FER1L5: variants seen among roughly 807,000 people sequenced by gnomAD.
The protein encoded by FER1L5 is fer-1 like family member 5.
Under a neutral mutation model 279.9 loss-of-function variants are expected in FER1L5, and 187 were observed. The ratio of observed to expected loss-of-function variants is 0.67; its 90% CI spans 0.59 to 0.75. FER1L5 has a LOEUF of 0.75. Among genes scored for constraint, FER1L5 ranks in the 30% least tolerant of loss-of-function variants. The pLI is 0.00. For missense variants in FER1L5, 2,091 were observed against 2,594.4 expected (o/e 0.81, Z 4.21); for synonymous variants, 921 against 989.7 (o/e 0.93, Z 1.30).
rs1363419500 is a variant in FER1L5, at chr2:96,700,058, A to G, written c.4908A>G (p.Lys1636=). ...AAGATGCTGTTTTCTATAATGGGAA[A>G]AAGTTCAAGCTGCAAAGCTTTGGTG... ...PEEDAVFYNG[K]KFKLQSFEPK... Residue 1636 remains lysine (K), a synonymous_variant, in exon 44 of 53, where the codon AAA becomes AAG. Transcript: ENST00000624922. 1.9e-6 allele frequency: 3 copies of G among 1,613,958 alleles called. No homozygotes were observed. Among genetic ancestry groups the G allele is most frequent in the African/African-American group, 1.3e-5 (1 of 75,076 alleles).
In FER1L5 at chr2:96,647,757, A is replaced by T. The variant is rs563000521; in HGVS notation, c.231-21A>T. Reference sequence around the variant, plus strand: ...TCTTTCCCCTGGCTCAGGATCTCACATCTGCTCCTTGTCTCCCCAGATTCA... The same window carrying T: ...TCTTTCCCCTGGCTCAGGATCTCACTTCTGCTCCTTGTCTCCCCAGATTCA... On this transcript the variant is annotated intron_variant, in intron 3 of 52. Coordinates refer to ENST00000624922, the MANE Select transcript of FER1L5 (RefSeq NM_001293083.2). The T allele has an allele frequency of 2.6e-6, 4 of 1,532,346 alleles. No homozygotes were observed. In the African/African-American group the frequency reaches 4.1e-5, roughly 16 times the overall value. 94.9% of individuals were successfully genotyped at this position (1,532,346 alleles called of 1,614,324 possible).
At chr2:96,652,355 C>G in intron 7 of FER1L5, 1 of 301,022 alleles carries the variant, frequency 3.3e-6, no homozygotes, top group East Asian at 6.2e-5. Context: ...GCTGGAGCCC[C>G]AAATTGTAGC....
rs1473806537 is a variant in FER1L5, at chr2:96,704,260, C to T, written c.5847C>T (p.Asn1949=). ...SFTWLRSPVQ[N]FCYIFWKRYR... Reference sequence around the variant, plus strand: ...CGTGGCTGCGGTCACCAGTTCAAAACTTCTGCTATATTTTCTGGAAACGCT... The same window carrying T: ...CGTGGCTGCGGTCACCAGTTCAAAATTTCTGCTATATTTTCTGGAAACGCT... The change falls in exon 52 of 53, where the codon AAC becomes AAT. Residue 1949 remains asparagine (N), a synonymous_variant. Coordinates refer to ENST00000624922, the MANE Select transcript of FER1L5 (RefSeq NM_001293083.2). 2.5e-6 allele frequency: 4 copies of T among 1,614,026 alleles called. No individual in the cohort carries two copies. The highest frequency in any genetic ancestry group is 3.4e-6 in the Non-Finnish European group (4 of 1,179,898).
At chr2:96,666,209 C>T (rs1280185242) in intron 14 of FER1L5, among the ~76,000 whole-genome samples, 11 of 148,334 alleles carry the variant, frequency 7.4e-5, no homozygotes, top group African/African-American at 2.5e-5. Flanking sequence ...ATGGTCAGTC[C>T]GAGGGCCCCA....
intron 23 of FER1L5, among the ~76,000 whole-genome samples, chr2:96,686,855 CAAA>C (rs58724485): frequency 2.2e-3 from 89 of 41,162 alleles, no homozygotes; most frequent in South Asian, 4.4e-3. Flanking sequence ...GACTCCGTCT[CAAA>C]AAAAAAAAAA....
chr2:96,702,056 C>T lies in FER1L5; in HGVS notation c.5159+13C>T. ...GAAAGCCTAAACGGTGAGTGACAGC[C>T]CACTTCCCAACTGCTGCATTTCACA... On this transcript the variant is annotated intron_variant, in intron 46 of 52. Transcript: ENST00000624922. This position sits in a 1 kb window ranked among gnomAD's most constrained non-coding sequence, Gnocchi z 4.0. The T allele has an allele frequency of 6.2e-7, 1 of 1,613,686 alleles. No homozygotes were observed. The highest frequency in any genetic ancestry group is 1.1e-5 in the South Asian group (1 of 91,056).
Position 96,662,254 on chromosome 2 carries a change from T to C in FER1L5, c.1058T>C (p.Leu353Pro). 6.4e-7 allele frequency: 1 copy of C among 1,551,528 alleles called. No homozygotes were observed. Among genetic ancestry groups the C allele is most frequent in the Middle Eastern group, 1.7e-4 (1 of 5,990 alleles). ...QSVNPQLEVE[L>P]IGEKLRTHMQ... ...GTGAATCCTCAGTTGGAGGTGGAAC[T>C]AATTGGGGAAAAGGTAAGTGTAGAA... The change falls in exon 13 of 53, where the codon CTA becomes CCA. Residue 353 changes from leucine to proline, a missense_variant. Coordinates refer to ENST00000624922, the MANE Select transcript of FER1L5 (RefSeq NM_001293083.2).
In FER1L5 at chr2:96,689,610, T is replaced by C; in HGVS notation, c.2526-34T>C. ...ACGGCCCTAGGGGCTGCTTGGGGAG[T>C]TGTGCTGGGAACTTGGGGTCTCATT... On this transcript the variant is annotated intron_variant, in intron 25 of 52. Transcript: ENST00000624922. This position sits in a 1 kb window ranked among gnomAD's most constrained non-coding sequence, Gnocchi z 4.6. The C allele has an allele frequency of 1.3e-6, 2 of 1,534,938 alleles. No homozygotes were observed. The highest frequency in any genetic ancestry group is 1.8e-6 in the Non-Finnish European group (2 of 1,133,966).
intron 38 of FER1L5, 36 bp downstream of exon 38, chr2:96,697,612 TG>T (rs747170232): frequency 6.2e-7 from 1 of 1,613,372 alleles, no homozygotes; most frequent in Non-Finnish European, 8.5e-7. Context: ...TGCAGGGAGG[TG>T]GGGGGCTGCC....
chr2:96,699,452 G>C (rs992725476), intron 42 of FER1L5, 98 bp from the exon 43 acceptor site: 79 of 1,357,070 alleles, frequency 5.8e-5, no homozygotes, highest in Non-Finnish European at 7.3e-5. Flanking sequence ...CAATCTCCAT[G>C]AACAAACAAG....
At chr2:96,659,316 T>G (rs2075748196) in intron 9 of FER1L5, among the ~76,000 whole-genome samples, 1 of 56,546 alleles carries the variant, frequency 1.8e-5, no homozygotes, top group African/African-American at 7.1e-5. Flanking sequence ...CTTCCTTCCT[T>G]CCTTCCTTCC....
rs562923413 is a variant in FER1L5, at chr2:96,702,369, T to C, written c.5223T>C (p.Ser1741=). ...TGGACCTGGTGGATGACAATTTAAG[T>C]AGAGAGAAGACGAGCGACATCTACA... The part of the protein sequence containing the change: ...ANVDLVDDNL[S]REKTSDIYIK... Residue 1741 remains serine, a synonymous_variant, in exon 47 of 53, where the codon AGT becomes AGC. Transcript: ENST00000624922. This position sits in a 1 kb window ranked among gnomAD's most constrained non-coding sequence, Gnocchi z 4.0. 6.2e-7 allele frequency: 1 copy of C among 1,612,962 alleles called. No homozygotes were observed. The highest frequency in any genetic ancestry group is 1.3e-5 in the African/African-American group (1 of 74,996).
rs373257482 is a variant in FER1L5 at position 96,681,843 on chromosome 2, G to A, written c.1670-2484G>A. Among the ~76,000 whole-genome samples, 12 of 151,966 alleles carry A rather than the reference G, an allele frequency of 7.9e-5. No homozygotes were observed. The East Asian group carries it at 9.6e-4, about 12-fold the overall frequency. ...CTCACTTTGTTGCCCAGGCTGGAGTGCAGTGGCGTTATCTCGGCTCACTGC... is the reference window on the plus strand; with the variant it reads ...CTCACTTTGTTGCCCAGGCTGGAGTACAGTGGCGTTATCTCGGCTCACTGC... On this transcript the variant is annotated intron_variant, in intron 19 of 52. Transcript: ENST00000624922.
At position 96,700,341 on chromosome 2, in the gene FER1L5, C is replaced by T. The variant is rs757619360; in HGVS notation, c.4940C>T (p.Thr1647Ile). The stretch of plus-strand genomic sequence containing the variant: ...TCCCCCTCCAATCCAGAGCCCAAAA[C>T]CCCTACTGTTCATGGTTTGGGACCC... ...KFKLQSFEPKTPTVHGLGPKK... is the reference protein window; with the variant it reads ...KFKLQSFEPKIPTVHGLGPKK... Residue 1647 changes from threonine (T) to isoleucine (I), a missense_variant, in exon 45 of 53, where the codon ACC becomes ATC. By Grantham distance (89) the Thr-to-Ile change is moderately conservative. Transcript: ENST00000624922. 2 of 1,613,288 alleles carry T rather than the reference C, an allele frequency of 1.2e-6. No homozygotes were observed. The highest frequency in any genetic ancestry group is 1.6e-4 in the Middle Eastern group (1 of 6,062).
intron 9 of FER1L5, among the ~76,000 whole-genome samples, chr2:96,657,065 T>TTA (rs148662359): frequency 0.28 from 40,862 of 145,680 alleles, 6,446 homozygotes; most frequent in South Asian, 0.65. Flanking sequence ...ATTTTTTAAT[T>TTA]TATATATATA....
chr2:96,687,872 G>A lies in FER1L5; in HGVS notation c.2286G>A (p.Met762Ile). ...DVLPAHLRVC[M>I]WLGNVTDSKD... Reference sequence around the variant, plus strand: ...TCCCAGCTCACCTCCGGGTCTGCATGTGGCTTGGCAATGTCACAGACAGCA... The same window carrying A: ...TCCCAGCTCACCTCCGGGTCTGCATATGGCTTGGCAATGTCACAGACAGCA... Residue 762 changes from methionine (M) to isoleucine (I), a missense_variant, in exon 24 of 53, where the codon ATG (methionine) becomes ATA (isoleucine). Met to Ile is a conservative substitution (Grantham distance 10). Transcript: ENST00000624922. 6.4e-7 allele frequency: 1 copy of A among 1,551,264 alleles called. No homozygotes were observed. Among genetic ancestry groups the A allele is most frequent in the Non-Finnish European group, 8.7e-7 (1 of 1,146,964 alleles).
chr2:96,673,365 T>C (rs1219624483), intron 19 of FER1L5, 111 bp downstream of exon 19: 10 of 1,171,590 alleles, frequency 8.5e-6, no homozygotes, highest in Non-Finnish European at 1.1e-5. Context: ...ATTATTTACC[T>C]ATATTTCACA....
At position 96,704,560 on chromosome 2, in the gene FER1L5, C is replaced by T. The variant is rs552412694; in HGVS notation, c.6042C>T (p.Asn2014=). ...FNIINSLNTS[N]ASSSILPTQD... is the part of the protein sequence containing the mutation. The stretch of plus-strand genomic sequence containing the variant: ...TCATCAATTCACTAAACACCAGCAA[C>T]GCCAGCTCTTCCATCCTTCCCACCC... Residue 2014 remains asparagine (N), a synonymous_variant, in exon 53 of 53, where the codon AAC becomes AAT. Coordinates refer to ENST00000624922, the MANE Select transcript of FER1L5 (RefSeq NM_001293083.2). The T allele has an allele frequency of 3.5e-5, 56 of 1,613,916 alleles. No individual in the cohort carries two copies. Among genetic ancestry groups the T allele is most frequent in the African/African-American group, 8.0e-5 (6 of 75,008 alleles).
At chr2:96,649,736 C>A in intron 5 of FER1L5, 59 bp downstream of exon 5, 1 of 1,513,888 alleles carries the variant, frequency 6.6e-7, no homozygotes, top group Middle Eastern at 1.8e-4. Flanking sequence ...GCATGCACAG[C>A]TGGATGGGTT....
Sources: allele counts gnomAD v4.1 joint callset (sites outside exome capture counted in the v4.1 genomes callset), GRCh38; gene constraint gnomAD v4.1.1; non-coding constraint Gnocchi (gnomAD v3.1); transcripts MANE v1.5; gene names NCBI Gene and HGNC (gene_info 2026-07-23, HGNC 2026-07-21).